Variants in TMEM178B observed in about 807,000 individuals in gnomAD.
TMEM178B encodes the protein transmembrane protein 178B.
TMEM178B carries 5 observed loss-of-function variants against 31.0 expected under a neutral mutation model. The observed-to-expected ratio is 0.16, with a 90% CI of 0.08 to 0.34. The LOEUF (loss-of-function observed/expected upper bound fraction) is 0.34. Ranked by LOEUF, TMEM178B falls within the 10% of genes least tolerant of loss-of-function variation. TMEM178B has a pLI of 1.00. For synonymous variants in TMEM178B, 164 were observed against 164.0 expected (o/e 1.00, Z 0.00); for missense variants, 275 against 400.3 (o/e 0.69, Z 2.67).
the TMEM178B span, among the ~76,000 whole-genome samples, chr7:141,488,008 C>G: frequency 2.0e-5 from 3 of 151,438 alleles, no homozygotes; most frequent in African/African-American, 7.3e-5. Flanking sequence ...GATAAATGCT[C>G]TAAAATTGTA....
At chr7:141,274,563 G>A (rs987686642) in intron 2 of TMEM178B, among the ~76,000 whole-genome samples, 1 of 152,156 alleles carries the variant, frequency 6.6e-6, no homozygotes, top group Non-Finnish European at 1.5e-5. Flanking sequence ...TTCTATTCCG[G>A]CTCTGTTCCA....
At chr7:141,097,657 T>C (rs1459677164) in intron 1 of TMEM178B, among the ~76,000 whole-genome samples, 2 of 152,138 alleles carry the variant, frequency 1.3e-5, no homozygotes, top group African/African-American at 4.8e-5. Flanking sequence ...CATCAAGTGC[T>C]AAATTTGCAA....
chr7:141,411,056 C>A (rs566468430), intron 2 of TMEM178B, among the ~76,000 whole-genome samples: 1 of 151,068 alleles, frequency 6.6e-6, no homozygotes, highest in African/African-American at 2.4e-5. Flanking sequence ...CCATTTTACT[C>A]GAATAAAATA....
In TMEM178B at chr7:141,149,409, A is replaced by G. The variant is rs367703511; in HGVS notation, c.383-63182A>G. ...AAAAAAATACAAAAATTAGTGGAGCATGGTGGTGTACGCTTGTAATTCCAG... is the reference window on the plus strand; with the variant it reads ...AAAAAAATACAAAAATTAGTGGAGCGTGGTGGTGTACGCTTGTAATTCCAG... On this transcript the variant is annotated intron_variant, in intron 1 of 3. Coordinates refer to ENST00000565468, the MANE Select transcript of TMEM178B (RefSeq NM_001195278.2). Among the ~76,000 whole-genome samples, 24 of 152,292 alleles carry G rather than the reference A, an allele frequency of 1.6e-4. No individual in the cohort carries two copies. The South Asian group carries it at 4.3e-3, about 28-fold the overall frequency.
At chr7:141,119,417 T>TG (rs2129176166) in intron 1 of TMEM178B, among the ~76,000 whole-genome samples, 1 of 152,116 alleles carries the variant, frequency 6.6e-6, no homozygotes, top group African/African-American at 2.4e-5. Flanking sequence ...GCCCTCAGGA[T>TG]GGGGGCGGAA....
intron 2 of TMEM178B, among the ~76,000 whole-genome samples, chr7:141,213,144 C>T (rs1408617256): frequency 6.6e-6 from 1 of 152,158 alleles, no homozygotes; most frequent in Non-Finnish European, 1.5e-5. Flanking sequence ...GGATGCATCA[C>T]ATTGGAGATT....
At chr7:141,223,473 T>G (rs1000715154) in intron 2 of TMEM178B, among the ~76,000 whole-genome samples, 1 of 143,036 alleles carries the variant, frequency 7.0e-6, no homozygotes, top group South Asian at 2.1e-4. Context: ...CTCTGCTGTT[T>G]TCACTCTTTT....
chr7:141,380,719 A>G, intron 2 of TMEM178B, among the ~76,000 whole-genome samples: 1 of 152,168 alleles, frequency 6.6e-6, no homozygotes, highest in East Asian at 1.9e-4. Flanking sequence ...GATTGAATGC[A>G]TTTATCATTC....
intron 2 of TMEM178B, among the ~76,000 whole-genome samples, chr7:141,265,786 G>A (rs1032148391): frequency 1.3e-5 from 2 of 152,206 alleles, no homozygotes; most frequent in African/African-American, 4.8e-5. Flanking sequence ...GTAGTTTAAG[G>A]TAAACTGTAT....
chr7:141,302,142 T>A (rs1586880166), intron 2 of TMEM178B, among the ~76,000 whole-genome samples: 1 of 152,304 alleles, frequency 6.6e-6, no homozygotes. Flanking sequence ...GTCTATGTTA[T>A]CATAACGAAA....
At chr7:141,392,044 A>C (rs912500691) in intron 2 of TMEM178B, among the ~76,000 whole-genome samples, 1 of 150,048 alleles carries the variant, frequency 6.7e-6, no homozygotes, top group Non-Finnish European at 1.5e-5. Context: ...GAATATACAG[A>C]GGAGTGGAAT....
chr7:141,336,903 CCA>C (rs1799404013), intron 2 of TMEM178B, among the ~76,000 whole-genome samples: 1 of 121,310 alleles, frequency 8.2e-6, no homozygotes, highest in Non-Finnish European at 1.7e-5. Flanking sequence ...ACCACCACCA[CCA>C]TCATCACCAC....
rs186164874 is a variant in TMEM178B, at chr7:141,101,748, G to T, written c.382+27056G>T. On this transcript the variant is annotated intron_variant, in intron 1 of 3. Transcript: ENST00000565468. Reference sequence around the variant, plus strand: ...GTTGTGGTAGAGTTTAGTTTTAATGGCCTATTACTAAAAATTACATGTCCA... The same window carrying T: ...GTTGTGGTAGAGTTTAGTTTTAATGTCCTATTACTAAAAATTACATGTCCA... 4.7e-4 allele frequency among the ~76,000 whole-genome samples: 71 copies of T among 152,288 alleles called. 2 individuals are homozygous for T. The highest frequency in any genetic ancestry group is 4.2e-3 in the Admixed American group (65 of 15,304).
chr7:141,134,074 A>G (rs1452905160), intron 1 of TMEM178B, among the ~76,000 whole-genome samples: 1 of 152,076 alleles, frequency 6.6e-6, no homozygotes, highest in Non-Finnish European at 1.5e-5. Flanking sequence ...ATTTGTACAA[A>G]AAATAAAAAC....
At chr7:141,175,319 A>G (rs1796410004) in intron 1 of TMEM178B, among the ~76,000 whole-genome samples, 1 of 152,110 alleles carries the variant, frequency 6.6e-6, no homozygotes, top group Non-Finnish European at 1.5e-5. Context: ...CCATTGGTCT[A>G]TATATCTGTT....
At chr7:141,501,640 C>T in the TMEM178B span, among the ~76,000 whole-genome samples, 3 of 152,170 alleles carry the variant, frequency 2.0e-5, no homozygotes, top group Non-Finnish European at 4.4e-5. Flanking sequence ...AGGTGGGCCT[C>T]ATTTAATCAG....
At chr7:141,255,006 G>C (rs1586852926) in intron 2 of TMEM178B, among the ~76,000 whole-genome samples, 1 of 152,332 alleles carries the variant, frequency 6.6e-6, no homozygotes, top group East Asian at 1.9e-4. Flanking sequence ...GTAGAGGTGA[G>C]AGAAACTTAA....
In TMEM178B at chr7:141,385,590, GCAAA is replaced by G. The variant is rs562615281; in HGVS notation, c.497-52015_497-52012del. 1.0e-3 allele frequency among the ~76,000 whole-genome samples: 157 copies of G among 152,288 alleles called. 1 individual carries two copies. The highest frequency in any genetic ancestry group is 3.7e-3 in the African/African-American group (152 of 41,568). ...ATCATTAATGCTCACCGAAATATTAGCAAACAGTGTTTCCCATCATCCTTTTTGT... is the reference window on the plus strand; with the variant it reads ...ATCATTAATGCTCACCGAAATATTAGCAGTGTTTCCCATCATCCTTTTTGT... On this transcript the variant is annotated intron_variant, in intron 2 of 3. Transcript: ENST00000565468.
At chr7:141,332,126 G>T (rs113161967) in intron 2 of TMEM178B, among the ~76,000 whole-genome samples, 1,948 of 152,202 alleles carry the variant, frequency 0.013, 51 homozygotes, top group African/African-American at 0.044. Context: ...TGAACTCATG[G>T]TTCTGAATTG....
Sources: gnomAD v4.1 joint callset for allele counts (sites outside exome capture counted in the v4.1 genomes callset) on GRCh38, gnomAD v4.1.1 for gene constraint, MANE v1.5 for transcripts, NCBI Gene and HGNC (gene_info 2026-07-23, HGNC 2026-07-21) for gene names.